TMPRSS15: variants seen among roughly 807,000 people sequenced by gnomAD.
TMPRSS15 encodes transmembrane serine protease 15.
In TMPRSS15, 128 loss-of-function variants were observed where a neutral mutation model predicts 125.3. The ratio of observed to expected loss-of-function variants is 1.02; its 90% CI spans 0.89 to 1.18. The LOEUF (loss-of-function observed/expected upper bound fraction) is 1.18. TMPRSS15 is among the 50% of genes most tolerant of loss of function. TMPRSS15 has a pLI of 0.00. For missense variants in TMPRSS15, 1,283 were observed against 1,212.7 expected (o/e 1.06, Z -0.86); for synonymous variants, 446 against 423.2 (o/e 1.05, Z -0.66).
At chr21:18,429,642 C>A (rs186620172) in intron 1 of TMPRSS15, among the ~76,000 whole-genome samples, 25 of 152,312 alleles carry the variant, frequency 1.6e-4, no homozygotes, top group African/African-American at 5.5e-4. Context: ...CTTTCAACTT[C>A]TGCCATGATT....
At chr21:18,415,026 T>C (rs774966936) in intron 1 of TMPRSS15, among the ~76,000 whole-genome samples, 25 of 151,270 alleles carry the variant, frequency 1.7e-4, no homozygotes, top group Non-Finnish European at 3.1e-4. Flanking sequence ...AGCCCTTATC[T>C]GTTTTTTTTT....
intron 1 of TMPRSS15, among the ~76,000 whole-genome samples, chr21:18,475,649 G>T (rs1184973726): frequency 6.6e-6 from 1 of 152,086 alleles, no homozygotes; most frequent in Non-Finnish European, 1.5e-5. Flanking sequence ...AAAAGAGGGA[G>T]AAATAAAAGG....
chr21:18,355,356 G>A (rs959004321), intron 8 of TMPRSS15, among the ~76,000 whole-genome samples: 17 of 151,842 alleles, frequency 1.1e-4, no homozygotes, highest in African/African-American at 3.6e-4. Flanking sequence ...GGATTCTCAC[G>A]ATATCTAATA....
intron 5 of TMPRSS15, among the ~76,000 whole-genome samples, chr21:18,375,083 C>A (rs775003968): frequency 7.9e-5 from 12 of 152,220 alleles, no homozygotes; most frequent in Middle Eastern, 3.4e-3. Context: ...AAGTTGCACT[C>A]TGTCTCTCTC....
intron 21 of TMPRSS15, among the ~76,000 whole-genome samples, chr21:18,291,472 T>G (rs1361554105): frequency 6.6e-6 from 1 of 152,218 alleles, no homozygotes; most frequent in Non-Finnish European, 1.5e-5. Context: ...GCTGTTCAAT[T>G]AAACCATTTA....
chr21:18,435,065 A>G (rs565408437), intron 1 of TMPRSS15, among the ~76,000 whole-genome samples: 166 of 152,054 alleles, frequency 1.1e-3, no homozygotes, highest in Non-Finnish European at 1.9e-3. Flanking sequence ...TGAGATAAAA[A>G]TATAAAAAAC....
chr21:18,477,003 ACT>A (rs1448230356), intron 1 of TMPRSS15, among the ~76,000 whole-genome samples: 6 of 151,906 alleles, frequency 3.9e-5, no homozygotes, highest in African/African-American at 1.5e-4. Flanking sequence ...GAAAAGGGAA[ACT>A]CTATTACCCT....
chr21:18,355,881 T>G (rs2075619722), intron 8 of TMPRSS15, among the ~76,000 whole-genome samples: 1 of 151,848 alleles, frequency 6.6e-6, no homozygotes, highest in Admixed American at 6.6e-5. Context: ...TAGGAGATTT[T>G]TAATCAATAT....
At chr21:18,353,590 A>C in intron 9 of TMPRSS15, 133 bp downstream of exon 9, 6 of 745,818 alleles carry the variant, frequency 8.0e-6, no homozygotes, top group Non-Finnish European at 1.3e-5. Context: ...AGTTCTAAGA[A>C]GAGAAAGATG....
intron 8 of TMPRSS15, among the ~76,000 whole-genome samples, chr21:18,358,461 G>A (rs1458496539): frequency 6.6e-6 from 1 of 151,852 alleles, no homozygotes; most frequent in Non-Finnish European, 1.5e-5. Flanking sequence ...AAATATTTAT[G>A]TTGATCATAA....
At chr21:18,332,959 T>A (rs2075359265) in intron 13 of TMPRSS15, among the ~76,000 whole-genome samples, 1 of 152,198 alleles carries the variant, frequency 6.6e-6, no homozygotes, top group African/African-American at 2.4e-5. Flanking sequence ...TGGATGGAGC[T>A]GGAGACCATT....
chr21:18,484,980 T>G (rs954399697), intron 1 of TMPRSS15, among the ~76,000 whole-genome samples: 3 of 151,916 alleles, frequency 2.0e-5, no homozygotes, highest in Admixed American at 2.0e-4. Flanking sequence ...TCAGATTGGG[T>G]AGAACTGTCA....
At chr21:18,469,077 T>C (rs557859962) in intron 1 of TMPRSS15, among the ~76,000 whole-genome samples, 42 of 152,290 alleles carry the variant, frequency 2.8e-4, no homozygotes, top group African/African-American at 9.4e-4. Flanking sequence ...TTGAAAGCCT[T>C]GGCTCTTATG....
At chr21:18,456,249 C>T (rs1978438082) in intron 1 of TMPRSS15, among the ~76,000 whole-genome samples, 8 of 152,036 alleles carry the variant, frequency 5.3e-5, no homozygotes. Context: ...TTAGGAGATT[C>T]CTTAGAACTT....
chr21:18,366,639 T>A (rs573973578), intron 6 of TMPRSS15, among the ~76,000 whole-genome samples: 1 of 152,288 alleles, frequency 6.6e-6, no homozygotes, highest in African/African-American at 2.4e-5. Context: ...CAACTTTTAG[T>A]CTTTCTTACA....
At chr21:18,446,014 A>G (rs2076255134) in intron 1 of TMPRSS15, among the ~76,000 whole-genome samples, 1 of 152,224 alleles carries the variant, frequency 6.6e-6, no homozygotes, top group Non-Finnish European at 1.5e-5. Context: ...GAAAAAGTCA[A>G]ATTAGCCCTG....
At position 18,312,962 on chromosome 21, in the gene TMPRSS15, A is replaced by G. The variant is rs958544171; in HGVS notation, c.2148T>C (p.Cys716=). 1 of 1,614,040 alleles carries G rather than the reference A, an allele frequency of 6.2e-7. No homozygotes were observed. The highest frequency in any genetic ancestry group is 1.7e-5 in the Admixed American group (1 of 60,024). ...NWTTQISNDV[C]QLLGLGSGNS... ...TTACTTACCCTAGTCCCAGCAGTTG[A>G]CAAACATCATTTGAAATCTGGGTGG... Residue 716 remains cysteine (C), a synonymous_variant, in exon 18 of 25, where the codon TGT becomes TGC. Transcript: ENST00000284885.
At chr21:18,406,712 T>C (rs1017043911), upstream of TMPRSS15, among the ~76,000 whole-genome samples, 1 of 152,122 alleles carries the variant, frequency 6.6e-6, no homozygotes, top group Admixed American at 6.5e-5. Context: ...ATTCAAATAA[T>C]CAAGTTGAAT....
chr21:18,399,137 T>A (rs2076070372), intron 1 of TMPRSS15, among the ~76,000 whole-genome samples: 1 of 152,110 alleles, frequency 6.6e-6, no homozygotes, highest in Non-Finnish European at 1.5e-5. Context: ...ATAATAATAA[T>A]GACATATAAT....
Sources: gnomAD v4.1 joint callset for allele counts (sites outside exome capture counted in the v4.1 genomes callset) on GRCh38, gnomAD v4.1.1 for gene constraint, MANE v1.5 for transcripts, NCBI Gene and HGNC (gene_info 2026-07-23, HGNC 2026-07-21) for gene names.